Variants in RNGTT observed in about 807,000 individuals in gnomAD.
The protein encoded by RNGTT is RNA guanylyltransferase and 5'-phosphatase.
RNGTT carries 33 observed loss-of-function variants against 79.3 expected under a neutral mutation model. That is an observed-to-expected ratio of 0.42 (90% CI 0.32 to 0.56). The LOEUF (loss-of-function observed/expected upper bound fraction) is 0.56, where lower values mean the gene tolerates loss of function less well. Among genes scored for constraint, RNGTT ranks in the 20% least tolerant of loss-of-function variants. The pLI is 0.17. For synonymous variants in RNGTT, 222 were observed against 235.9 expected (o/e 0.94, Z 0.54); for missense variants, 497 against 739.1 (o/e 0.67, Z 3.80).
intron 13 of RNGTT, among the ~76,000 whole-genome samples, chr6:88,696,529 T>C (rs1775676276): frequency 6.6e-6 from 1 of 151,754 alleles, no homozygotes. Context: ...AAATCTGAAA[T>C]CATCTGAATC....
chr6:88,832,130 A>G (rs543620882), intron 11 of RNGTT, among the ~76,000 whole-genome samples: 93 of 152,346 alleles, frequency 6.1e-4, no homozygotes, highest in African/African-American at 2.1e-3. Context: ...CCATATAGCC[A>G]AGACAATCCT....
chr6:88,647,701 T>TAAAAAAAAAAAAAGAA (rs1773624142), intron 14 of RNGTT, among the ~76,000 whole-genome samples: 6 of 100,892 alleles, frequency 5.9e-5, no homozygotes, highest in African/African-American at 2.6e-4. Context: ...GACACCCTGT[T>TAAAAAAAAAAAAAGAA]AAAAAAAAAA....
At chr6:88,869,343 G>A (rs1043234442) in intron 8 of RNGTT, among the ~76,000 whole-genome samples, 9 of 152,176 alleles carry the variant, frequency 5.9e-5, no homozygotes, top group Non-Finnish European at 1.3e-4. Flanking sequence ...TTATAAAGGA[G>A]AAAGTATTTT....
At chr6:88,639,640 G>A (rs879890469) in intron 14 of RNGTT, among the ~76,000 whole-genome samples, 1 of 152,048 alleles carries the variant, frequency 6.6e-6, no homozygotes, top group Non-Finnish European at 1.5e-5. Context: ...TATCTCCTTG[G>A]AAGGATAGAT....
intron 8 of RNGTT, among the ~76,000 whole-genome samples, chr6:88,857,233 A>T (rs1029771823): frequency 6.6e-6 from 1 of 152,174 alleles, no homozygotes; most frequent in Non-Finnish European, 1.5e-5. Flanking sequence ...AACTGACAGA[A>T]AACAATGGTA....
intron 14 of RNGTT, among the ~76,000 whole-genome samples, chr6:88,669,541 CAAG>C (rs1216524246): frequency 2.3e-4 from 35 of 152,312 alleles, no homozygotes; most frequent in South Asian, 1.9e-3. Flanking sequence ...TATAACGGCA[CAAG>C]AAGAACAGTC....
intron 13 of RNGTT, among the ~76,000 whole-genome samples, chr6:88,698,101 C>A (rs1205013934): frequency 1.1e-5 from 1 of 87,240 alleles, no homozygotes. Context: ...ATATGAAATA[C>A]ATATATATGA....
intron 8 of RNGTT, among the ~76,000 whole-genome samples, chr6:88,858,399 T>C (rs945909698): frequency 6.6e-6 from 1 of 152,044 alleles, no homozygotes; most frequent in African/African-American, 2.4e-5. Context: ...ATTCCAACCA[T>C]AATACATATT....
rs1034071823 is a variant in RNGTT, at chr6:88,660,169, C to T, written c.1506+18184G>A. Reference sequence around the variant, plus strand: ...AAAAAAGTTCTAAATCTTAAAACCTCGAAATGCACCAAAATAGAACCTCCT... The same window carrying T: ...AAAAAAGTTCTAAATCTTAAAACCTTGAAATGCACCAAAATAGAACCTCCT... On this transcript the variant is annotated intron_variant, in intron 14 of 15. Transcript: ENST00000369485. Among the ~76,000 whole-genome samples the T allele has an allele frequency of 3.3e-5, 5 of 152,028 alleles. No homozygotes were observed. In the South Asian group the frequency reaches 8.3e-4, roughly 25 times the overall value.
intron 13 of RNGTT, among the ~76,000 whole-genome samples, chr6:88,759,514 A>G (rs1460727658): frequency 1.3e-5 from 2 of 152,214 alleles, no homozygotes; most frequent in Non-Finnish European, 2.9e-5. Flanking sequence ...CATATTACAT[A>G]CACAAACACA....
intron 12 of RNGTT, among the ~76,000 whole-genome samples, chr6:88,771,655 A>G (rs1174201608): frequency 1.3e-5 from 2 of 152,038 alleles, no homozygotes; most frequent in Non-Finnish European, 2.9e-5. Flanking sequence ...ATCTTAACCA[A>G]ATTGAATTTT....
chr6:88,864,776 T>C (rs974809592), intron 8 of RNGTT, among the ~76,000 whole-genome samples: 20 of 152,102 alleles, frequency 1.3e-4, no homozygotes, highest in South Asian at 4.1e-4. Context: ...AGGAAGGAAA[T>C]TGTGATATAT....
Position 88,904,802 on chromosome 6 carries a change from G to C in RNGTT, c.597C>G (p.Asp199Glu). 1.2e-6 allele frequency: 2 copies of C among 1,613,794 alleles called. No homozygotes were observed. Residue 199 changes from aspartate to glutamate, a missense_variant, in exon 6 of 16, where the codon GAC becomes GAG. Asp to Glu is a conservative substitution (Grantham distance 45, BLOSUM62 2). Coordinates refer to ENST00000369485, the MANE Select transcript of RNGTT (RefSeq NM_003800.5). ...TCTTTCCATCCTCATCCTCATCTTC[G>C]TCTTCATCATCCTCAAAACACCAAT... ...LPDWCFEDDE[D>E]EDEDEDGKKE...
chr6:88,647,977 G>A (rs1219383116), intron 14 of RNGTT, among the ~76,000 whole-genome samples: 3 of 149,638 alleles, frequency 2.0e-5, no homozygotes, highest in South Asian at 2.1e-4. Flanking sequence ...GATATAATCA[G>A]TCACATTAAG....
chr6:88,901,495 C>CTTTTTTT lies in RNGTT; in HGVS notation c.684+3213_684+3219dup, dbSNP rs71024314. 1.3e-3 allele frequency among the ~76,000 whole-genome samples: 87 copies of CTTTTTTT among 65,812 alleles called. 16 individuals are homozygous for CTTTTTTT. Among genetic ancestry groups the CTTTTTTT allele is most frequent in the African/African-American group, 5.8e-3 (81 of 14,060 alleles). 43.2% of individuals were successfully genotyped at this position (65,812 alleles called of 152,430 possible). On this transcript the variant is annotated intron_variant, in intron 6 of 15. Coordinates refer to ENST00000369485, the MANE Select transcript of RNGTT (RefSeq NM_003800.5). ...AAAAATAACTGTCAAGCACCCTGAT[C>CTTTTTTT]TTTTTTTTTTTTTTTTTTTTTTTTT...
At chr6:88,804,162 TG>T (rs112000014) in intron 11 of RNGTT, among the ~76,000 whole-genome samples, 1,555 of 152,314 alleles carry the variant, frequency 0.01, 24 homozygotes, top group African/African-American at 0.035. Context: ...AAAAGGAAAC[TG>T]AGGTCATCAG....
chr6:88,940,987 A>G (rs1457276583), intron 2 of RNGTT, 84 bp downstream of exon 2: 3 of 684,936 alleles, frequency 4.4e-6, no homozygotes, highest in Non-Finnish European at 4.9e-6. Context: ...TTTTAAAATA[A>G]TAAGATTTTT....
intron 11 of RNGTT, among the ~76,000 whole-genome samples, chr6:88,834,590 T>C (rs575585935): frequency 1.4e-4 from 22 of 152,318 alleles, no homozygotes; most frequent in Admixed American, 1.2e-3. Flanking sequence ...TAGATCTTCA[T>C]GTTTATGCAA....
intron 8 of RNGTT, among the ~76,000 whole-genome samples, chr6:88,880,017 A>C (rs1303523319): frequency 1.3e-5 from 2 of 152,188 alleles, no homozygotes; most frequent in Non-Finnish European, 2.9e-5. Flanking sequence ...CAAATGATAA[A>C]ATATTTACTA....
Sources: gnomAD v4.1 joint callset for allele counts (sites outside exome capture counted in the v4.1 genomes callset) on GRCh38, gnomAD v4.1.1 for gene constraint, MANE v1.5 for transcripts, NCBI Gene and HGNC (gene_info 2026-07-23, HGNC 2026-07-21) for gene names.